PDIA3: variants seen among roughly 807,000 people sequenced by gnomAD.
PDIA3 encodes the protein protein disulfide-isomerase A3.
In PDIA3, 16 loss-of-function variants were observed where a neutral mutation model predicts 56.9. The observed-to-expected ratio is 0.28, with a 90% CI of 0.19 to 0.43. The LOEUF (loss-of-function observed/expected upper bound fraction) is 0.43, where lower values mean the gene tolerates loss of function less well. Ranked by LOEUF, PDIA3 falls within the 20% of genes least tolerant of loss-of-function variation. The pLI, the probability that PDIA3 is intolerant of heterozygous loss-of-function variation, is 1.00. For missense variants in PDIA3, 485 were observed against 621.3 expected (o/e 0.78, Z 2.33); for synonymous variants, 192 against 216.5 (o/e 0.89, Z 0.99).
chr15:43,746,972 A>G (rs1240226024), intron 1 of PDIA3: 2 of 543,548 alleles, frequency 3.7e-6, no homozygotes, highest in South Asian at 4.4e-5. Context: ...TCCTATTTGC[A>G]GAGGGTTTTG....
In PDIA3 at chr15:43,766,075, A is replaced by C. The variant is rs903619298; in HGVS notation, c.845+63A>C. 5.3e-5 allele frequency: 77 copies of C among 1,442,070 alleles called. 2 individuals carry two copies. In the South Asian group the frequency reaches 9.1e-4, roughly 17 times the overall value. 89.3% of individuals were successfully genotyped at this position (1,442,070 alleles called of 1,614,324 possible). A position where few individuals can be genotyped will look rare whatever the true frequency, so the allele number is the denominator to read the frequency against. On this transcript the variant is annotated intron_variant, in intron 7 of 12. Coordinates refer to ENST00000300289, the MANE Select transcript of PDIA3 (RefSeq NM_005313.5). ...ACCCAATGTATAGACAGTCCCTTCT[A>C]ACTATCTTGTTGGTTCCTTAAGAAT...
chr15:43,772,453 C>G lies in PDIA3; in HGVS notation c.*1235C>G, dbSNP rs2086887182. 6.6e-6 allele frequency: 1 copy of G among 152,196 alleles called. No homozygotes were observed. Among genetic ancestry groups the G allele is most frequent in the African/African-American group, 2.4e-5 (1 of 41,446 alleles). The allele number at this position is 152,196 out of a possible 1,614,324, so 9.4% of individuals were successfully genotyped here. A position where few individuals can be genotyped will look rare whatever the true frequency, so the allele number is the denominator to read the frequency against. On this transcript the variant is annotated 3_prime_UTR_variant, in exon 13 of 13. Coordinates refer to ENST00000300289, the MANE Select transcript of PDIA3 (RefSeq NM_005313.5). ...AAAGCTTGGAAAAAGTAAAAGATGT[C>G]TAAACCATAATCTTGTAACTCATAA...
chr15:43,764,152 C>T (rs891407592), intron 5 of PDIA3, among the ~76,000 whole-genome samples: 1 of 152,188 alleles, frequency 6.6e-6, no homozygotes, highest in African/African-American at 2.4e-5. Context: ...TTTATATCCT[C>T]CTGCTCAAGG....
At chr15:43,748,767 T>TG (rs1567154273) in intron 1 of PDIA3, among the ~76,000 whole-genome samples, 209 of 151,024 alleles carry the variant, frequency 1.4e-3, no homozygotes, top group Non-Finnish European at 2.0e-3. Context: ...GTGTGTGTGT[T>TG]TGTGTATTTT....
rs531168502 is a variant in PDIA3 at position 43,767,130 on chromosome 15, G to A, written c.1028+220G>A. 6.6e-5 allele frequency among the ~76,000 whole-genome samples: 10 copies of A among 150,670 alleles called. No individual in the cohort carries two copies. The East Asian group carries it at 1.4e-3, about 21-fold the overall frequency. Reference sequence around the variant, plus strand: ...TTTGGGAGGCCAAGGCAGGTGGATCGCCTAAGGTCGGGAGTTCGAGACCAG... The same window carrying A: ...TTTGGGAGGCCAAGGCAGGTGGATCACCTAAGGTCGGGAGTTCGAGACCAG... On this transcript the variant is annotated intron_variant, in intron 8 of 12. Coordinates refer to ENST00000300289, the MANE Select transcript of PDIA3 (RefSeq NM_005313.5).
chr15:43,758,088 A>G (rs151118684), intron 3 of PDIA3, among the ~76,000 whole-genome samples: 3 of 149,458 alleles, frequency 2.0e-5, no homozygotes, highest in African/African-American at 7.4e-5. Flanking sequence ...AAAATACAAA[A>G]TTAGCCAGGA....
rs1184835241 is a variant in PDIA3 at position 43,746,604 on chromosome 15, C to T, written c.65C>T (p.Ala22Val). 6.2e-7 allele frequency: 1 copy of T among 1,612,494 alleles called. No individual in the cohort carries two copies. The highest frequency in any genetic ancestry group is 1.1e-5 in the South Asian group (1 of 91,080). Residue 22 changes from alanine to valine, a missense_variant, in exon 1 of 13, where the codon GCC (alanine) becomes GTC (valine). Coordinates refer to ENST00000300289, the MANE Select transcript of PDIA3 (RefSeq NM_005313.5). ...VALLLAAARL[A>V]AASDVLELTD... ...CTGCTTCTTGCCGCGGCCCGCCTCG[C>T]CGCTGCCTCCGACGTGCTAGAACTC...
intron 2 of PDIA3, among the ~76,000 whole-genome samples, chr15:43,754,562 C>CA (rs1444900324): frequency 6.6e-6 from 1 of 151,040 alleles, no homozygotes; most frequent in Middle Eastern, 3.3e-3. Context: ...CTCATCTCTA[C>CA]AAAAAATTTA....
At chr15:43,761,278 A>G in intron 3 of PDIA3, 146 bp from the exon 4 acceptor site, 3 of 447,592 alleles carry the variant, frequency 6.7e-6, no homozygotes. Context: ...TCTTACAAGG[A>G]GGAAACTGGG....
intron 9 of PDIA3, among the ~76,000 whole-genome samples, chr15:43,768,847 C>T (rs1359472371): frequency 6.6e-6 from 1 of 152,010 alleles, no homozygotes; most frequent in Non-Finnish European, 1.5e-5. Flanking sequence ...CATGGTGAAA[C>T]CCCGTATCTA....
chr15:43,754,815 A>C (rs1178302821), intron 2 of PDIA3, among the ~76,000 whole-genome samples: 1 of 151,908 alleles, frequency 6.6e-6, no homozygotes, highest in Non-Finnish European at 1.5e-5. Context: ...TCTCTACTAA[A>C]GATACAGGCA....
chr15:43,756,476 T>A (rs2086779090), intron 2 of PDIA3, among the ~76,000 whole-genome samples, 173 bp from the exon 3 acceptor site: 1 of 152,252 alleles, frequency 6.6e-6, no homozygotes, highest in South Asian at 2.1e-4. Flanking sequence ...TAGGCAGTTC[T>A]GATGTAGTTA....
intron 1 of PDIA3, chr15:43,753,080 T>G (rs1297116159): frequency 5.9e-6 from 2 of 340,552 alleles, no homozygotes; most frequent in African/African-American, 4.3e-5. Context: ...CAATTTTGTG[T>G]CCCCACCCCC....
intron 2 of PDIA3, among the ~76,000 whole-genome samples, chr15:43,756,099 G>A (rs1033344402): frequency 7.2e-5 from 11 of 152,016 alleles, no homozygotes; most frequent in African/African-American, 2.4e-4. Context: ...GGCTCGTTCC[G>A]GGAAATTATT....
chr15:43,748,100 G>A (rs148619362), intron 1 of PDIA3, among the ~76,000 whole-genome samples: 4 of 152,298 alleles, frequency 2.6e-5, no homozygotes, highest in African/African-American at 7.2e-5. Context: ...AGATCTGAGT[G>A]ATGCTTTTTA....
At chr15:43,762,167 T>C (rs1036341906) in intron 4 of PDIA3, among the ~76,000 whole-genome samples, 1 of 152,226 alleles carries the variant, frequency 6.6e-6, no homozygotes, top group Non-Finnish European at 1.5e-5. Context: ...AAAATAAATT[T>C]AAACATAAAA....
intron 3 of PDIA3, among the ~76,000 whole-genome samples, chr15:43,760,817 C>A (rs1288556956): frequency 1.3e-5 from 2 of 151,514 alleles, no homozygotes; most frequent in Non-Finnish European, 2.9e-5. Flanking sequence ...AGGCGTGAGC[C>A]ACAGCACCCG....
rs1279416780 is a variant in PDIA3, at chr15:43,768,530, T to G, written c.1070T>G (p.Phe357Cys). 6.2e-7 allele frequency: 1 copy of G among 1,613,926 alleles called. No individual in the cohort carries two copies. Among genetic ancestry groups the G allele is most frequent in the Non-Finnish European group, 8.5e-7 (1 of 1,179,920 alleles). The change falls in exon 9 of 13, where the codon TTT becomes TGT. Residue 357 changes from phenylalanine (F) to cysteine (C), a missense_variant. By Grantham distance (205) the Phe-to-Cys change is radical. Coordinates refer to ENST00000300289, the MANE Select transcript of PDIA3 (RefSeq NM_005313.5). ...CTGGAGAGGTTCCTGCAGGATTACTTTGATGGCAATCTGAAGAGATACCTG... is the reference window on the plus strand; with the variant it reads ...CTGGAGAGGTTCCTGCAGGATTACTGTGATGGCAATCTGAAGAGATACCTG... The part of the protein sequence containing the change: ...KALERFLQDY[F>C]DGNLKRYLKS...
At chr15:43,752,683 T>C (rs934979005) in intron 1 of PDIA3, 1 of 440,694 alleles carries the variant, frequency 2.3e-6, no homozygotes, top group Admixed American at 2.5e-5. Context: ...TAAACAAGTT[T>C]TAGGTGTACA....
Sources: allele counts gnomAD v4.1 joint callset (sites outside exome capture counted in the v4.1 genomes callset), GRCh38; gene constraint gnomAD v4.1.1; transcripts MANE v1.5; gene names NCBI Gene and HGNC (gene_info 2026-07-23, HGNC 2026-07-21).